Variants in PSMD10 observed in about 807,000 individuals in gnomAD.
The protein encoded by PSMD10 is 26S proteasome non-ATPase regulatory subunit 10.
In PSMD10, 2 loss-of-function variants were observed where a neutral mutation model predicts 13.2. That is an observed-to-expected ratio of 0.15 (90% CI 0.06 to 0.48). PSMD10 has a LOEUF of 0.48. PSMD10 is among the 20% of genes least tolerant of loss of function. The pLI is 0.97. For synonymous variants in PSMD10, 66 were observed against 64.4 expected (o/e 1.03, Z -0.12); for missense variants, 120 against 167.4 (o/e 0.72, Z 1.56).
Position 108,091,515 on chromosome X carries a change from C to A in PSMD10, c.6G>T (p.Glu2Asp). 2 of 1,209,583 alleles carry A rather than the reference C, an allele frequency of 1.7e-6. No homozygotes were observed. The highest frequency in any genetic ancestry group is 2.2e-6 in the Non-Finnish European group (2 of 893,030). Residue 2 changes from glutamate (E) to aspartate (D), a missense_variant, in exon 1 of 5, where the codon GAG becomes GAT. Transcript: ENST00000217958. M[E>D]GCVSNLMVCN... ...AGACCATTAGGTTAGACACACACCC[C>A]TCCATTTCGCTGTCCCAGCAACTAC...
rs758205932 is a variant in PSMD10, at chrX:108,091,349, A to C, written c.114+58T>G. 1.3e-5 allele frequency: 14 copies of C among 1,107,050 alleles called. No homozygotes were observed. In the African/African-American group the frequency reaches 2.3e-4, roughly 18 times the overall value. The allele number at this position is 1,107,050 out of a possible 1,213,427, so 91.2% of individuals were successfully genotyped here. A position where few individuals can be genotyped will look rare whatever the true frequency, so the allele number is the denominator to read the frequency against. On this transcript the variant is annotated intron_variant, in intron 1 of 4. Coordinates refer to ENST00000217958, the MANE Select transcript of PSMD10 (RefSeq NM_002814.4). ...GGCCTCCGCTAGGGCCGGGCCCCGA[A>C]AGCCACGTAGGGCTTCGCCGACGTC...
Position 108,088,083 on chromosome X carries a change from AGAG to A in PSMD10, c.227_229del (p.Pro76del). On this transcript the variant is annotated inframe_deletion, in exon 3 of 5. Coordinates refer to ENST00000217958, the MANE Select transcript of PSMD10 (RefSeq NM_002814.4). ...CCGGCCAGCAGAAGCCGCAATATGAAGAGGAGACCAACCTGCCTATAAAAGAAG... is the reference window on the plus strand; with the variant it reads ...CCGGCCAGCAGAAGCCGCAATATGAAGAGACCAACCTGCCTATAAAAGAAG... 8.3e-7 allele frequency: 1 copy of A among 1,205,809 alleles called. No homozygotes were observed. Among genetic ancestry groups the A allele is most frequent in the Non-Finnish European group, 1.1e-6 (1 of 891,790 alleles).
chrX:108,085,137 G>T lies in PSMD10; in HGVS notation c.528-10C>A. The T allele has an allele frequency of 1.7e-6, 2 of 1,188,124 alleles. No individual in the cohort carries two copies. The highest frequency in any genetic ancestry group is 1.9e-5 in the South Asian group (1 of 51,803). On this transcript the variant is annotated splice_polypyrimidine_tract_variant and intron_variant, in intron 4 of 4. Coordinates refer to ENST00000217958, the MANE Select transcript of PSMD10 (RefSeq NM_002814.4). ...ATCACAGGCTAAGTGTCTGAAATCA[G>T]GGACCACCAGAGACCAATTAATCAC...
At position 108,084,812 on chromosome X, in the gene PSMD10, C is replaced by T. The variant is rs761712532; in HGVS notation, c.*162G>A. ...TGCCTGGAAAACAAGCTGTAAGCTT[C>T]GAACAAGTAACTCAGCAGGAACAAG... On this transcript the variant is annotated 3_prime_UTR_variant, in exon 5 of 5. Transcript: ENST00000217958. 2 of 541,203 alleles carry T rather than the reference C, an allele frequency of 3.7e-6. No homozygotes were observed. Among genetic ancestry groups the T allele is most frequent in the Admixed American group, 4.5e-5 (1 of 22,160 alleles). The allele number at this position is 541,203 out of a possible 1,213,427, so 44.6% of individuals were successfully genotyped here. A position where few individuals can be genotyped will look rare whatever the true frequency, so the allele number is the denominator to read the frequency against.
In PSMD10 at chrX:108,091,496, T is replaced by C. The variant is rs1182161638; in HGVS notation, c.25A>G (p.Met9Val). 1.7e-6 allele frequency: 2 copies of C among 1,210,727 alleles called. No homozygotes were observed. Among genetic ancestry groups the C allele is most frequent in the African/African-American group, 3.5e-5 (2 of 57,537 alleles). Residue 9 changes from methionine (M) to valine (V), a missense_variant, in exon 1 of 5, where the codon ATG becomes GTG. Met to Val is a conservative substitution (Grantham distance 21, BLOSUM62 1). This residue lies in a region of PSMD10 where 32 missense variants were observed against 26.2 expected (regional missense o/e 1.22). Transcript: ENST00000217958. Reference protein sequence around the residue: MEGCVSNLMVCNLAYSGKL... With the variant: MEGCVSNLVVCNLAYSGKL... ...CCGCTGTAGGCCAGGTTGCAGACCA[T>C]TAGGTTAGACACACACCCCTCCATT...
rs762477514 is a variant in PSMD10, at chrX:108,085,056, A to G, written c.599T>C (p.Ile200Thr). ...LLVSQGASIYIENKEEKTPLQ... is the reference protein window; with the variant it reads ...LLVSQGASIYTENKEEKTPLQ... ...GGGTGTCTTTTCTTCTTTATTCTCAATGTAAATACTTGCTCCTTGGGACAC... is the reference window on the plus strand; with the variant it reads ...GGGTGTCTTTTCTTCTTTATTCTCAGTGTAAATACTTGCTCCTTGGGACAC... The change falls in exon 5 of 5, where the codon ATT (isoleucine) becomes ACT (threonine). Residue 200 changes from isoleucine (I) to threonine (T), a missense_variant. Physicochemically the swap from Ile to Thr is moderately conservative, Grantham distance 89. This residue lies in a region of PSMD10 where 68 missense variants were observed against 124.8 expected (regional missense o/e 0.54). Coordinates refer to ENST00000217958, the MANE Select transcript of PSMD10 (RefSeq NM_002814.4). 1 of 1,208,209 alleles carries G rather than the reference A, an allele frequency of 8.3e-7. No homozygotes were observed.
intron 1 of PSMD10, 118 bp downstream of exon 1, chrX:108,091,289 C>G (rs2031608172): frequency 1.6e-6 from 1 of 639,703 alleles, no homozygotes; most frequent in African/African-American, 2.2e-5. Context: ...CTGCTTGGGG[C>G]GGCGGGGGCG....
At chrX:108,085,149 G>A (rs778947441) in intron 4 of PSMD10, 22 bp from the exon 5 acceptor site, 1 of 1,175,297 alleles carries the variant, frequency 8.5e-7, no homozygotes, top group African/African-American at 1.8e-5. Flanking sequence ...GACCACCAGA[G>A]ACCAATTAAT....
chrX:108,089,649 A>G (rs1336521617), intron 1 of PSMD10, among the ~76,000 whole-genome samples: 2 of 110,643 alleles, frequency 1.8e-5, no homozygotes, highest in South Asian at 7.7e-4. Flanking sequence ...GCCTGGCAAC[A>G]TGGTGAAACT....
chrX:108,085,773 G>C (rs1188863552), intron 4 of PSMD10, among the ~76,000 whole-genome samples: 2 of 111,820 alleles, frequency 1.8e-5, no homozygotes, highest in Non-Finnish European at 3.8e-5. Context: ...AGTGAGGAAG[G>C]AATTATTACC....
At position 108,084,854 on chromosome X, in the gene PSMD10, A is replaced by C; in HGVS notation, c.*120T>G. The C allele has an allele frequency of 1.2e-6, 1 of 833,690 alleles. No individual in the cohort carries two copies. The highest frequency in any genetic ancestry group is 1.6e-6 in the Non-Finnish European group (1 of 611,423). The allele number at this position is 833,690 out of a possible 1,213,427, so 68.7% of individuals were successfully genotyped here. The stretch of plus-strand genomic sequence containing the variant: ...AGGAACAAGAGTCAACATGTTTATA[A>C]GACTTTGAAGGTGAGAAAACTTCAT... On this transcript the variant is annotated 3_prime_UTR_variant, in exon 5 of 5. Coordinates refer to ENST00000217958, the MANE Select transcript of PSMD10 (RefSeq NM_002814.4).
intron 1 of PSMD10, among the ~76,000 whole-genome samples, chrX:108,090,869 A>G (rs1336555344): frequency 8.9e-6 from 1 of 112,793 alleles, no homozygotes; most frequent in Admixed American, 9.3e-5. Flanking sequence ...AACTTTTCCA[A>G]TTAACGACAG....
intron 1 of PSMD10, among the ~76,000 whole-genome samples, chrX:108,089,612 TC>T (rs1406380244): frequency 5.4e-5 from 6 of 111,579 alleles, no homozygotes; most frequent in Admixed American, 9.5e-5. Flanking sequence ...GGTGGGCAGA[TC>T]ACCCGAGGTC....
rs2147945345 is a variant in PSMD10, at chrX:108,091,397, G to A, written c.114+10C>T. On this transcript the variant is annotated intron_variant, in intron 1 of 4. Transcript: ENST00000217958. The stretch of plus-strand genomic sequence containing the variant: ...GTCGCCGACTGCGGAGAGACCTAGC[G>A]TTGCTTTACCTGGTCAGTTCTAGTA... The A allele has an allele frequency of 8.3e-7, 1 of 1,204,965 alleles. No individual in the cohort carries two copies. Among genetic ancestry groups the A allele is most frequent in the South Asian group, 1.8e-5 (1 of 56,872 alleles).
intron 1 of PSMD10, among the ~76,000 whole-genome samples, chrX:108,089,236 C>T (rs377647967): frequency 8.9e-6 from 1 of 111,829 alleles, no homozygotes; most frequent in African/African-American, 3.3e-5. Flanking sequence ...CTACACAGTG[C>T]TTATTATCTC....
chrX:108,091,500 G>A lies in PSMD10; in HGVS notation c.21C>T (p.Asn7=), dbSNP rs1201809104. 2 of 1,211,579 alleles carry A rather than the reference G, an allele frequency of 1.7e-6. No individual in the cohort carries two copies. Among genetic ancestry groups the A allele is most frequent in the Non-Finnish European group, 2.2e-6 (2 of 894,920 alleles). MEGCVS[N]LMVCNLAYSG... is the part of the protein sequence containing the mutation. Reference sequence around the variant, plus strand: ...TGTAGGCCAGGTTGCAGACCATTAGGTTAGACACACACCCCTCCATTTCGC... The same window carrying A: ...TGTAGGCCAGGTTGCAGACCATTAGATTAGACACACACCCCTCCATTTCGC... Residue 7 remains asparagine (N), a synonymous_variant, in exon 1 of 5, where the codon AAC becomes AAT. Transcript: ENST00000217958.
intron 1 of PSMD10, among the ~76,000 whole-genome samples, chrX:108,090,471 C>T (rs1206680808): frequency 1.8e-5 from 2 of 112,050 alleles, no homozygotes; most frequent in Non-Finnish European, 3.8e-5. Flanking sequence ...CCTTAAATAT[C>T]ACCAGACCAT....
Position 108,084,998 on chromosome X carries a change from T to G in PSMD10, c.657A>C (p.Ile219=). 8 of 1,206,891 alleles carry G rather than the reference T, an allele frequency of 6.6e-6. No homozygotes were observed. The highest frequency in any genetic ancestry group is 9.0e-6 in the Non-Finnish European group (8 of 893,409). ...LQVAKGGLGL[I]LKRMVEG ...TTTAACCTTCCACCATTCTCTTGAG[T>G]ATTAAACCCAGGCCACCTTTGGCCA... Residue 219 remains isoleucine (I), a synonymous_variant, in exon 5 of 5, where the codon ATA becomes ATC. Coordinates refer to ENST00000217958, the MANE Select transcript of PSMD10 (RefSeq NM_002814.4).
intron 1 of PSMD10, among the ~76,000 whole-genome samples, chrX:108,089,787 G>A (rs1244285929): frequency 9.0e-6 from 1 of 110,853 alleles, no homozygotes; most frequent in African/African-American, 3.3e-5. Flanking sequence ...GAGGTGATAC[G>A]GCACCACTGC....
Sources: gnomAD v4.1 joint callset for allele counts (sites outside exome capture counted in the v4.1 genomes callset) on GRCh38, gnomAD v4.1.1 for gene constraint, gnomAD v4.1.1 regional missense constraint, MANE v1.5 for transcripts, NCBI Gene and HGNC (gene_info 2026-07-23, HGNC 2026-07-21) for gene names.